ADCY8: variants seen among roughly 807,000 people sequenced by gnomAD.
ADCY8 encodes the protein adenylate cyclase 8, also known as adenylate cyclase type 8.
ADCY8 carries 51 observed loss-of-function variants against 119.7 expected under a neutral mutation model. The observed-to-expected ratio is 0.43, with a 90% CI of 0.34 to 0.54. The LOEUF (loss-of-function observed/expected upper bound fraction) is 0.54. Ranked by LOEUF, ADCY8 falls within the 20% of genes least tolerant of loss-of-function variation. ADCY8 has a pLI of 0.03. For synonymous variants in ADCY8, 665 were observed against 651.0 expected (o/e 1.02, Z -0.33); for missense variants, 1,383 against 1,598.8 (o/e 0.87, Z 2.30).
chr8:130,987,705 A>C (rs1037004993), intron 2 of ADCY8, among the ~76,000 whole-genome samples: 2 of 152,166 alleles, frequency 1.3e-5, no homozygotes, highest in Admixed American at 1.3e-4. Flanking sequence ...CAATTATGGC[A>C]TTATAATTAG....
At chr8:130,952,902 G>C (rs1249128230) in intron 2 of ADCY8, among the ~76,000 whole-genome samples, 1 of 152,198 alleles carries the variant, frequency 6.6e-6, no homozygotes, top group East Asian at 1.9e-4. Flanking sequence ...AAAGAAACCA[G>C]GCTTACAAGG....
At chr8:130,914,477 A>G (rs114184179) in intron 5 of ADCY8, among the ~76,000 whole-genome samples, 1 of 152,208 alleles carries the variant, frequency 6.6e-6, no homozygotes, top group Non-Finnish European at 1.5e-5. Context: ...TTTACTGCAT[A>G]GCTTTTCTTT....
At chr8:130,819,838 A>G (rs1586446410) in intron 13 of ADCY8, among the ~76,000 whole-genome samples, 2 of 152,338 alleles carry the variant, frequency 1.3e-5, no homozygotes, top group Middle Eastern at 3.4e-3. Context: ...TTTCATCATA[A>G]TTTTAGCCAA....
At chr8:130,940,906 T>C (rs1324824083) in intron 4 of ADCY8, among the ~76,000 whole-genome samples, 1 of 152,190 alleles carries the variant, frequency 6.6e-6, no homozygotes, top group Non-Finnish European at 1.5e-5. Context: ...CACCAAATTA[T>C]CAAAGATGGT....
chr8:130,928,674 G>A (rs75666951), intron 5 of ADCY8, among the ~76,000 whole-genome samples: 2,081 of 152,188 alleles, frequency 0.014, 51 homozygotes, highest in African/African-American at 0.047. Context: ...TGTTTTTCTA[G>A]AATTTTATTG....
chr8:130,792,553 G>T (rs1482503341), intron 15 of ADCY8, among the ~76,000 whole-genome samples: 2 of 152,096 alleles, frequency 1.3e-5, no homozygotes, highest in African/African-American at 4.8e-5. Context: ...CTTGGTTAGT[G>T]GTGTCTCCAT....
chr8:130,905,077 C>T (rs973133400), intron 6 of ADCY8, among the ~76,000 whole-genome samples: 4 of 152,166 alleles, frequency 2.6e-5, no homozygotes, highest in African/African-American at 4.8e-5. Context: ...CATAATAACA[C>T]CTATCTCTGA....
intron 8 of ADCY8, among the ~76,000 whole-genome samples, chr8:130,880,911 G>A (rs1283009837): frequency 6.6e-6 from 1 of 152,184 alleles, no homozygotes; most frequent in Non-Finnish European, 1.5e-5. Context: ...GTCAGCAGCT[G>A]TCCAACGTCC....
At chr8:130,930,505 C>A (rs1199550108) in intron 5 of ADCY8, among the ~76,000 whole-genome samples, 3 of 152,156 alleles carry the variant, frequency 2.0e-5, no homozygotes, top group Non-Finnish European at 4.4e-5. Context: ...CCCACCTCAG[C>A]CTCCCAAAGT....
In ADCY8 at chr8:130,780,886, T is replaced by A. The variant is rs773597234; in HGVS notation, c.3269-9A>T. The A allele has an allele frequency of 9.3e-6, 15 of 1,610,982 alleles. No individual in the cohort carries two copies. The Admixed American group carries it at 1.0e-4, about 11-fold the overall frequency. ...TGAGCCGTGGCTGATGCCTGGGGGGTGAAGCAAAGGAGCAAGAAGTCAGAG... is the reference window on the plus strand; with the variant it reads ...TGAGCCGTGGCTGATGCCTGGGGGGAGAAGCAAAGGAGCAAGAAGTCAGAG... On this transcript the variant is annotated splice_polypyrimidine_tract_variant and intron_variant, in intron 17 of 17. Transcript: ENST00000286355.
chr8:130,841,236 A>C (rs1337269492), intron 11 of ADCY8, among the ~76,000 whole-genome samples: 1 of 152,202 alleles, frequency 6.6e-6, no homozygotes, highest in East Asian at 1.9e-4. Flanking sequence ...TATGTGTTTC[A>C]TCTCATTTAA....
At chr8:130,807,527 G>A (rs1816004672) in intron 14 of ADCY8, among the ~76,000 whole-genome samples, 2 of 152,130 alleles carry the variant, frequency 1.3e-5, no homozygotes, top group Admixed American at 6.6e-5. Context: ...TGAGGGAGTG[G>A]ATTTCTTCTT....
chr8:130,976,994 G>A (rs895052849), intron 2 of ADCY8, among the ~76,000 whole-genome samples: 1 of 152,102 alleles, frequency 6.6e-6, no homozygotes, highest in African/African-American at 2.4e-5. Context: ...CATCGCGCAG[G>A]ACATCAACCC....
At chr8:130,891,634 T>C (rs770014079) in intron 7 of ADCY8, among the ~76,000 whole-genome samples, 4 of 152,134 alleles carry the variant, frequency 2.6e-5, no homozygotes, top group Non-Finnish European at 4.4e-5. Context: ...AGAATGCTTG[T>C]TATGTTTGAA....
intron 5 of ADCY8, among the ~76,000 whole-genome samples, chr8:130,911,020 C>CT (rs1466764033): frequency 5.3e-5 from 8 of 152,074 alleles, no homozygotes; most frequent in Non-Finnish European, 1.0e-4. Context: ...ATTCATTTGT[C>CT]TTTGACAGAA....
intron 5 of ADCY8, among the ~76,000 whole-genome samples, chr8:130,931,943 T>C (rs141069714): frequency 1.4e-4 from 21 of 152,342 alleles, no homozygotes; most frequent in Non-Finnish European, 2.4e-4. Context: ...TCTTCATTTC[T>C]TTAGGTTCAG....
intron 4 of ADCY8, among the ~76,000 whole-genome samples, chr8:130,939,351 T>C (rs1563736928): frequency 6.6e-6 from 1 of 152,200 alleles, no homozygotes; most frequent in Non-Finnish European, 1.5e-5. Context: ...TTTTTGTGTA[T>C]GAAGGAGAAT....
At chr8:130,930,978 G>GTAT (rs1554617373) in intron 5 of ADCY8, among the ~76,000 whole-genome samples, 1 of 152,062 alleles carries the variant, frequency 6.6e-6, no homozygotes, top group Non-Finnish European at 1.5e-5. Context: ...CATAAATCCT[G>GTAT]TATTACTATA....
chr8:130,793,189 C>T (rs560593895), intron 15 of ADCY8, among the ~76,000 whole-genome samples: 4 of 152,156 alleles, frequency 2.6e-5, no homozygotes, highest in East Asian at 3.9e-4. Flanking sequence ...GCCATGCCCC[C>T]CAAGCTGTTT....
Sources: allele counts gnomAD v4.1 joint callset (sites outside exome capture counted in the v4.1 genomes callset), GRCh38; gene constraint gnomAD v4.1.1; transcripts MANE v1.5; gene names NCBI Gene and HGNC (gene_info 2026-07-23, HGNC 2026-07-21).